Variants in THSD4 observed in about 807,000 individuals in gnomAD.
THSD4 encodes thrombospondin type-1 domain-containing protein 4.
A neutral mutation model predicts 119.0 loss-of-function variants in THSD4; 69 were observed. The observed-to-expected ratio is 0.58, with a 90% confidence interval of 0.48 to 0.71. The LOEUF is 0.71. Ranked by LOEUF, THSD4 falls within the 30% of genes least tolerant of loss-of-function variation. The pLI is 0.00. For synonymous variants in THSD4, 524 were observed against 540.4 expected (o/e 0.97, Z 0.42); for missense variants, 1,393 against 1,391.1 (o/e 1.00, Z -0.02).
At chr15:71,426,092 T>C (rs1237381779) in intron 7 of THSD4, among the ~76,000 whole-genome samples, 1 of 152,160 alleles carries the variant, frequency 6.6e-6, no homozygotes, top group Non-Finnish European at 1.5e-5. Context: ...CTCCCTTATA[T>C]CCTCTGCACA....
chr15:71,571,097 C>T (rs1447162559), intron 7 of THSD4, among the ~76,000 whole-genome samples: 2 of 152,126 alleles, frequency 1.3e-5, no homozygotes, highest in Non-Finnish European at 2.9e-5. Flanking sequence ...TCCACCGTGT[C>T]GGCGGAACAT....
chr15:71,312,658 C>T (rs948299642), intron 6 of THSD4, among the ~76,000 whole-genome samples: 4 of 152,190 alleles, frequency 2.6e-5, no homozygotes, highest in Admixed American at 2.6e-4. Context: ...ATATAACCTG[C>T]CAAGCCACAC....
chr15:71,475,118 C>T (rs536125073), intron 7 of THSD4, among the ~76,000 whole-genome samples: 54 of 152,336 alleles, frequency 3.5e-4, no homozygotes, highest in African/African-American at 1.2e-3. Context: ...TTATGCCTTC[C>T]TCTTATGCCC....
intron 7 of THSD4, among the ~76,000 whole-genome samples, chr15:71,519,851 C>T (rs569263328): frequency 6.6e-6 from 1 of 152,122 alleles, no homozygotes; most frequent in Non-Finnish European, 1.5e-5. Context: ...TTTATCCTAC[C>T]TCCAGGCCCT....
At chr15:71,320,525 C>T (rs1467820645) in intron 6 of THSD4, among the ~76,000 whole-genome samples, 1 of 152,198 alleles carries the variant, frequency 6.6e-6, no homozygotes, top group Non-Finnish European at 1.5e-5. Flanking sequence ...GGTCAGCTCA[C>T]ATTTTTGGCC....
intron 7 of THSD4, among the ~76,000 whole-genome samples, chr15:71,429,289 T>C (rs2046913007): frequency 1.3e-5 from 2 of 152,142 alleles, no homozygotes; most frequent in Admixed American, 1.3e-4. Flanking sequence ...AGTAAACGAT[T>C]GTTAGGGGGA....
rs34395762 is a variant in THSD4 at position 71,323,096 on chromosome 15, TAAA to T, written c.1015+66402_1015+66404del. On this transcript the variant is annotated intron_variant, in intron 6 of 17. Coordinates refer to ENST00000261862, the MANE Select transcript of THSD4 (RefSeq NM_024817.3). ...TGGTTGTTGGAGTGAGACCCTGTCT[TAAA>T]AAAAAAAAAAAAAAAAAAAAGATCG... Among the ~76,000 whole-genome samples the T allele has an allele frequency of 1.8e-3, 178 of 98,476 alleles. 1 individual carries two copies. Among genetic ancestry groups the T allele is most frequent in the African/African-American group, 6.2e-3 (148 of 23,944 alleles). 64.6% of individuals were successfully genotyped at this position (98,476 alleles called of 152,430 possible).
intron 1 of THSD4, among the ~76,000 whole-genome samples, chr15:71,121,258 C>A (rs146635152): frequency 1.3e-5 from 2 of 152,248 alleles, no homozygotes; most frequent in Non-Finnish European, 2.9e-5. Flanking sequence ...AAGTTTTGGG[C>A]CTTGAACAGG....
At chr15:71,535,813 C>T (rs2048682352) in intron 7 of THSD4, among the ~76,000 whole-genome samples, 1 of 152,192 alleles carries the variant, frequency 6.6e-6, no homozygotes, top group South Asian at 2.1e-4. Context: ...AAGAATACTT[C>T]ATAGGTTCTG....
At chr15:71,527,714 T>G (rs2048544760) in intron 7 of THSD4, among the ~76,000 whole-genome samples, 1 of 124,606 alleles carries the variant, frequency 8.0e-6, no homozygotes, top group South Asian at 2.3e-4. Flanking sequence ...TCCTCTTTTT[T>G]TTTTTTTTTT....
chr15:71,325,248 A>G (rs2045323798), intron 6 of THSD4, among the ~76,000 whole-genome samples: 1 of 152,214 alleles, frequency 6.6e-6, no homozygotes, highest in Admixed American at 6.5e-5. Context: ...TACAGGAATC[A>G]TATCTCTCAT....
At chr15:71,527,901 C>G (rs2048549560) in intron 7 of THSD4, among the ~76,000 whole-genome samples, 1 of 151,794 alleles carries the variant, frequency 6.6e-6, no homozygotes, top group Non-Finnish European at 1.5e-5. Context: ...TTTGTAGAGA[C>G]AGTGTCTTGC....
intron 6 of THSD4, among the ~76,000 whole-genome samples, chr15:71,326,726 T>TATATATATATATA (rs1491127315): frequency 8.8e-4 from 77 of 87,936 alleles, no homozygotes; most frequent in East Asian, 1.7e-3. Flanking sequence ...TATATATATA[T>TATATATATATATA]TAGCTGGGTG....
chr15:71,152,989 CAT>C (rs1567139393), intron 2 of THSD4, among the ~76,000 whole-genome samples: 1 of 152,168 alleles, frequency 6.6e-6, no homozygotes, highest in Non-Finnish European at 1.5e-5. Flanking sequence ...GGTGCTAAAA[CAT>C]AACATCTCCT....
intron 3 of THSD4, chr15:71,186,651 T>A (rs2043607388): frequency 6.6e-6 from 1 of 152,250 alleles, no homozygotes; most frequent in Non-Finnish European, 1.5e-5. Flanking sequence ...TTAACTTCTG[T>A]AACATTTGCT....
rs76524190 is a variant in THSD4, at chr15:71,312,733, G to A, written c.1015+56018G>A. On this transcript the variant is annotated intron_variant, in intron 6 of 17. Coordinates refer to ENST00000261862, the MANE Select transcript of THSD4 (RefSeq NM_024817.3). ...TTCTCACTCCACTCTAGCACGACTCGGGCTCCCACTCCCCACTTCCCCACC... is the reference window on the plus strand; with the variant it reads ...TTCTCACTCCACTCTAGCACGACTCAGGCTCCCACTCCCCACTTCCCCACC... Among the ~76,000 whole-genome samples, 882 of 151,956 alleles carry A rather than the reference G, an allele frequency of 5.8e-3. 11 individuals carry two copies. The highest frequency in any genetic ancestry group is 0.034 in the East Asian group (174 of 5,160).
chr15:71,412,520 T>G (rs2046703395), intron 7 of THSD4, among the ~76,000 whole-genome samples: 1 of 152,146 alleles, frequency 6.6e-6, no homozygotes. Flanking sequence ...TCTACGTATG[T>G]ATTCATGGAG....
rs1029650817 is a variant in THSD4, at chr15:71,356,514, A to G, written c.1016-55173A>G. Among the ~76,000 whole-genome samples the G allele has an allele frequency of 3.3e-5, 5 of 152,198 alleles. No individual in the cohort carries two copies. The South Asian group carries it at 1.0e-3, about 31-fold the overall frequency. The stretch of plus-strand genomic sequence containing the variant: ...AGAGTCTAGAAAAGATACTTGGTAC[A>G]TAGTAGGTGCTAAATCAAAATTTGT... On this transcript the variant is annotated intron_variant, in intron 6 of 17. Coordinates refer to ENST00000261862, the MANE Select transcript of THSD4 (RefSeq NM_024817.3).
intron 6 of THSD4, among the ~76,000 whole-genome samples, chr15:71,332,845 C>T (rs113170263): frequency 3.6e-5 from 5 of 138,162 alleles, no homozygotes; most frequent in African/African-American, 7.9e-5. Context: ...TGGCTCAAGA[C>T]GGAATGTAAA....
Sources: gnomAD v4.1 joint callset for allele counts (sites outside exome capture counted in the v4.1 genomes callset) on GRCh38, gnomAD v4.1.1 for gene constraint, MANE v1.5 for transcripts, NCBI Gene and HGNC (gene_info 2026-07-23, HGNC 2026-07-21) for gene names.